Variants in STPG2 observed in about 807,000 individuals in gnomAD.
The protein encoded by STPG2 is sperm tail PG-rich repeat containing 2, also known as sperm-tail PG-rich repeat-containing protein 2.
Under a neutral mutation model 54.2 loss-of-function variants are expected in STPG2, and 56 were observed. That is an observed-to-expected ratio of 1.03 (90% confidence interval 0.83 to 1.29). The LOEUF (loss-of-function observed/expected upper bound fraction) is 1.29. Ranked by LOEUF, STPG2 falls within the 50% of genes most tolerant of loss-of-function variation. STPG2 has a pLI of 0.00. For missense variants in STPG2, 596 were observed against 544.9 expected, an observed-to-expected ratio of 1.09 and a Z score of -0.93; for synonymous variants, 200 against 181.8, an observed-to-expected ratio of 1.10 and a Z score of -0.81.
chr4:97,668,121 A>C (rs1578466226), intron 10 of STPG2, among the ~76,000 whole-genome samples: 1 of 152,200 alleles, frequency 6.6e-6, no homozygotes, highest in Admixed American at 6.5e-5. Context: ...AAATATATTA[A>C]AAAGCAATAT....
intron 4 of STPG2, among the ~76,000 whole-genome samples, chr4:97,537,872 C>T (rs944877228): frequency 2.0e-5 from 3 of 152,172 alleles, no homozygotes; most frequent in Non-Finnish European, 2.9e-5. Context: ...CAGACAGCAA[C>T]ATTTGCTGTT....
intron 8 of STPG2, among the ~76,000 whole-genome samples, chr4:97,885,098 G>T (rs7656688): frequency 3.1e-3 from 471 of 152,106 alleles, no homozygotes; most frequent in Non-Finnish European, 5.3e-3. Flanking sequence ...CTACAGAAAC[G>T]TAACGCTTAA....
intron 8 of STPG2, among the ~76,000 whole-genome samples, chr4:97,918,464 AAC>A (rs949229331): frequency 2.6e-5 from 4 of 151,976 alleles, no homozygotes; most frequent in Admixed American, 2.6e-4. Context: ...CACACACACA[AAC>A]ACACACACAT....
chr4:97,977,767 G>C (rs1407090266), intron 6 of STPG2, among the ~76,000 whole-genome samples: 1 of 152,128 alleles, frequency 6.6e-6, no homozygotes. Flanking sequence ...ACAATTATAC[G>C]AAGTGTATTA....
At chr4:98,087,787 C>G (rs553069751) in intron 5 of STPG2, among the ~76,000 whole-genome samples, 10 of 152,088 alleles carry the variant, frequency 6.6e-5, no homozygotes, top group Non-Finnish European at 1.5e-4. Context: ...GTCTCAATCT[C>G]CTGACCTTGT....
At chr4:97,513,622 C>T (rs1395256829) in intron 4 of STPG2, among the ~76,000 whole-genome samples, 1 of 152,074 alleles carries the variant, frequency 6.6e-6, no homozygotes, top group African/African-American at 2.4e-5. Context: ...TATACATATG[C>T]ACATATACAT....
intron 5 of STPG2, 80 bp downstream of exon 5, chr4:98,105,873 G>A: frequency 1.6e-6 from 2 of 1,228,766 alleles, no homozygotes; most frequent in Non-Finnish European, 2.3e-6. Context: ...TTAGATCAAA[G>A]AGCACAGTAA....
rs115183577 is a variant in STPG2 at position 97,483,234 on chromosome 4, C to T, written c.462+229465G>A. On this transcript the variant is annotated intron_variant, in intron 4 of 4. Coordinates refer to the STPG2 transcript ENST00000522676. ...TGGAATGGTACCTCACATCTCAATA[C>T]TAACATTCAATACACATGGCATAAA... Among the ~76,000 whole-genome samples, 912 of 151,838 alleles carry T rather than the reference C, an allele frequency of 6.0e-3. 5 individuals carry two copies. The highest frequency in any genetic ancestry group is 0.02 in the South Asian group (98 of 4,832).
chr4:97,509,572 C>T (rs1025110205), intron 4 of STPG2, among the ~76,000 whole-genome samples: 11 of 152,000 alleles, frequency 7.2e-5, no homozygotes, highest in Non-Finnish European at 1.5e-4. Flanking sequence ...ATACAATATA[C>T]AAAAATCTAA....
chr4:97,984,697 T>C (rs993773052), intron 5 of STPG2, among the ~76,000 whole-genome samples: 3 of 152,226 alleles, frequency 2.0e-5, no homozygotes, highest in African/African-American at 7.2e-5. Flanking sequence ...TTCCAAAAGA[T>C]AAATACGTAT....
chr4:98,115,252 G>A (rs1739483924), intron 3 of STPG2, among the ~76,000 whole-genome samples: 1 of 151,900 alleles, frequency 6.6e-6, no homozygotes. Flanking sequence ...AAACACTAAT[G>A]AACTGTTTTC....
At chr4:98,083,289 T>C (rs1420499475) in intron 5 of STPG2, among the ~76,000 whole-genome samples, 1 of 152,192 alleles carries the variant, frequency 6.6e-6, no homozygotes, top group Non-Finnish European at 1.5e-5. Flanking sequence ...AAGATAACTT[T>C]GGAATTCACT....
At chr4:97,911,446 C>CG (rs889713403) in intron 8 of STPG2, among the ~76,000 whole-genome samples, 3 of 152,038 alleles carry the variant, frequency 2.0e-5, no homozygotes, top group South Asian at 2.1e-4. Context: ...ACCAAGTTCC[C>CG]GGGGGGCAGG....
intron 3 of STPG2, among the ~76,000 whole-genome samples, chr4:98,122,834 C>CTCGATTTCAGAACTCATTATTACTGCT (rs1739718711): frequency 6.6e-6 from 1 of 151,126 alleles, no homozygotes. Flanking sequence ...GTTGGTAGGC[C>CTCGATTTCAGAACTCATTATTACTGCT]TCGATTTCAG....
intron 7 of STPG2, among the ~76,000 whole-genome samples, chr4:97,963,674 C>T (rs1309388479): frequency 6.6e-6 from 1 of 151,106 alleles, no homozygotes. Flanking sequence ...TATATAAATA[C>T]ATATATATGT....
At chr4:97,658,305 G>T (rs967493881) in intron 10 of STPG2, among the ~76,000 whole-genome samples, 1 of 152,206 alleles carries the variant, frequency 6.6e-6, no homozygotes, top group Non-Finnish European at 1.5e-5. Context: ...TCTAGTAGAT[G>T]AATCACTAGT....
At chr4:97,528,767 A>C (rs1229313106) in intron 4 of STPG2, among the ~76,000 whole-genome samples, 1 of 152,138 alleles carries the variant, frequency 6.6e-6, no homozygotes, top group Non-Finnish European at 1.5e-5. Flanking sequence ...AGCAATTGTG[A>C]ATAGCAGTTC....
intron 8 of STPG2, among the ~76,000 whole-genome samples, chr4:97,926,518 C>T (rs765099485): frequency 8.6e-5 from 13 of 152,036 alleles, no homozygotes; most frequent in Non-Finnish European, 1.8e-4. Context: ...CCTGCTGGTC[C>T]CAAGAACCAT....
chr4:98,071,723 A>G (rs1342386991), intron 5 of STPG2, among the ~76,000 whole-genome samples: 1 of 152,180 alleles, frequency 6.6e-6, no homozygotes, highest in Non-Finnish European at 1.5e-5. Context: ...GGAACAAAAC[A>G]ACTCCATTAA....
Sources: gnomAD v4.1 joint callset for allele counts (sites outside exome capture counted in the v4.1 genomes callset) on GRCh38, gnomAD v4.1.1 for gene constraint, MANE v1.5 for transcripts, NCBI Gene and HGNC (gene_info 2026-07-23, HGNC 2026-07-21) for gene names.